The following VIPR2 variants were observed in gnomAD, a reference collection of about 807,000 sequenced individuals.
The protein encoded by VIPR2 is vasoactive intestinal peptide receptor 2.
In VIPR2, 48 loss-of-function variants were observed where a neutral mutation model predicts 58.0. The ratio of observed to expected loss-of-function variants is 0.83; its 90% CI spans 0.66 to 1.05. The LOEUF is 1.05. VIPR2 is among the 50% of genes least tolerant of loss of function. VIPR2 has a pLI of 0.00. For synonymous variants in VIPR2, 243 were observed against 235.2 expected, an observed-to-expected ratio of 1.03 and a Z score of -0.30; for missense variants, 534 against 558.0, an observed-to-expected ratio of 0.96 and a Z score of 0.43.
intron 4 of VIPR2, 107 bp from the exon 5 acceptor site, chr7:159,058,685 C>G: frequency 2.4e-6 from 2 of 847,914 alleles, no homozygotes; most frequent in Non-Finnish European, 3.8e-6. Context: ...AGGACTCTTG[C>G]CTGCCTGGAA....
In VIPR2 at chr7:159,030,234, A is replaced by G. The variant is rs1853453102; in HGVS notation, c.*382T>C. The G allele has an allele frequency of 1.1e-5, 2 of 188,522 alleles. No individual in the cohort carries two copies. Among genetic ancestry groups the G allele is most frequent in the East Asian group, 1.2e-4 (1 of 8,122 alleles). 11.7% of individuals were successfully genotyped at this position (188,522 alleles called of 1,614,324 possible). A position where few individuals can be genotyped will look rare whatever the true frequency, so the allele number is the denominator to read the frequency against. The stretch of plus-strand genomic sequence containing the variant: ...TTGGCGGGCGCCTGTAGTCCCAGCT[A>G]TGGGAGGCTGAGGCAGGAGAATGGC... On this transcript the variant is annotated 3_prime_UTR_variant, in exon 13 of 13. Transcript: ENST00000262178.
rs894620844 is a variant in VIPR2, at chr7:159,029,631, G to A, written c.*985C>T. ...GGCCGCAGCTGGCCTGGGGCTGAGCGTCAGGCTCTGCGGCTCCCACAGGGC... is the reference window on the plus strand; with the variant it reads ...GGCCGCAGCTGGCCTGGGGCTGAGCATCAGGCTCTGCGGCTCCCACAGGGC... On this transcript the variant is annotated 3_prime_UTR_variant, in exon 13 of 13. Coordinates refer to ENST00000262178, the MANE Select transcript of VIPR2 (RefSeq NM_003382.5). 6.6e-6 allele frequency: 1 copy of A among 152,296 alleles called. No homozygotes were observed. The highest frequency in any genetic ancestry group is 1.5e-5 in the Non-Finnish European group (1 of 68,106). 9.4% of individuals were successfully genotyped at this position (152,296 alleles called of 1,614,324 possible).
In VIPR2 at chr7:159,096,346, G is replaced by A. The variant is rs1055442876; in HGVS notation, c.357+7411C>T. On this transcript the variant is annotated intron_variant, in intron 4 of 12. Coordinates refer to ENST00000262178, the MANE Select transcript of VIPR2 (RefSeq NM_003382.5). The surrounding 1 kb of genome is among the most constrained non-coding windows in gnomAD (Gnocchi z 5.5). ...ACGTACCTCCCCTCCTCCGGCATCG[G>A]CCAGCTCCATGCCCAGAAGCGCCTG... Among the ~76,000 whole-genome samples, 11 of 152,184 alleles carry A rather than the reference G, an allele frequency of 7.2e-5. No homozygotes were observed. The highest frequency in any genetic ancestry group is 2.9e-5 in the Non-Finnish European group (2 of 68,026).
At position 159,098,322 on chromosome 7, in the gene VIPR2, G is replaced by A. The variant is rs977615786; in HGVS notation, c.357+5435C>T. On this transcript the variant is annotated intron_variant, in intron 4 of 12. Transcript: ENST00000262178. This position sits in a 1 kb window ranked among gnomAD's most constrained non-coding sequence, Gnocchi z 5.2. ...GAGAACTGTGGCTTACAGTGCGGGT[G>A]GGCAAGCGGAGAGGAGCAGCTGTGG... Among the ~76,000 whole-genome samples, 1 of 152,286 alleles carries A rather than the reference G, an allele frequency of 6.6e-6. No homozygotes were observed. The highest frequency in any genetic ancestry group is 3.4e-3 in the Middle Eastern group (1 of 294).
rs1490810498 is a variant in VIPR2, at chr7:159,127,872, C to T, written c.151+14574G>A. On this transcript the variant is annotated intron_variant, in intron 2 of 12. Transcript: ENST00000262178. The surrounding 1 kb of genome is among the most constrained non-coding windows in gnomAD (Gnocchi z 4.6). ...CCGCAGGGGCTTAGGGCTGGGGCCA[C>T]GCGAGGCCTTGGAGAGGGTGAACAT... 2.6e-5 allele frequency among the ~76,000 whole-genome samples: 4 copies of T among 152,210 alleles called. No homozygotes were observed. The highest frequency in any genetic ancestry group is 1.3e-4 in the Admixed American group (2 of 15,280).
At chr7:159,124,750 A>G (rs1037662298) in intron 2 of VIPR2, among the ~76,000 whole-genome samples, 3 of 152,148 alleles carry the variant, frequency 2.0e-5, no homozygotes, top group African/African-American at 7.2e-5. Context: ...AATGATATTG[A>G]TTCTTCCTAT....
chr7:159,044,120 A>G (rs997271246), intron 5 of VIPR2, among the ~76,000 whole-genome samples: 14 of 152,288 alleles, frequency 9.2e-5, no homozygotes, highest in Admixed American at 9.2e-4. Context: ...AGTGCTCCCA[A>G]CACAGAGCCA....
Position 159,127,191 on chromosome 7 carries a change from C to T in VIPR2, c.151+15255G>A, listed in dbSNP as rs1395664754. On this transcript the variant is annotated intron_variant, in intron 2 of 12. Transcript: ENST00000262178. This position sits in a 1 kb window ranked among gnomAD's most constrained non-coding sequence, Gnocchi z 4.6. ...TAGTGCGCTGCATGCATCCCACCCTCAACAGCCTGATGGTGAACTACGGAC... is the reference window on the plus strand; with the variant it reads ...TAGTGCGCTGCATGCATCCCACCCTTAACAGCCTGATGGTGAACTACGGAC... 2.0e-5 allele frequency among the ~76,000 whole-genome samples: 3 copies of T among 152,250 alleles called. No homozygotes were observed. In the East Asian group the frequency reaches 5.8e-4, roughly 29 times the overall value.
rs541245884 is a variant in VIPR2, at chr7:159,135,906, C to T, written c.151+6540G>A. On this transcript the variant is annotated intron_variant, in intron 2 of 12. Transcript: ENST00000262178. ...TTTAATTTCCACTCATCCCACGACA[C>T]GAGGCAACCCTCAAACACACAGGTC... Among the ~76,000 whole-genome samples the T allele has an allele frequency of 2.5e-4, 38 of 152,286 alleles. 1 individual carries two copies. Among genetic ancestry groups the T allele is most frequent in the South Asian group, 1.7e-3 (8 of 4,814 alleles).
chr7:159,068,997 CCT>C (rs776274598), intron 4 of VIPR2, among the ~76,000 whole-genome samples: 19 of 152,276 alleles, frequency 1.2e-4, no homozygotes, highest in South Asian at 4.1e-4. Context: ...CTGGCAGGCC[CCT>C]GTCTCTGGGC....
At chr7:159,135,403 A>G (rs972545527) in intron 2 of VIPR2, among the ~76,000 whole-genome samples, 5 of 151,250 alleles carry the variant, frequency 3.3e-5, no homozygotes, top group African/African-American at 4.9e-5. Flanking sequence ...CTGCACTCCA[A>G]TCTGGGTGAC....
intron 4 of VIPR2, among the ~76,000 whole-genome samples, chr7:159,092,323 C>T (rs2129495376): frequency 6.6e-6 from 1 of 152,248 alleles, no homozygotes; most frequent in Admixed American, 6.5e-5. Context: ...TACCCTGTCC[C>T]CTCCAGATGG....
chr7:159,140,022 C>T, intron 2 of VIPR2, among the ~76,000 whole-genome samples: 1 of 152,186 alleles, frequency 6.6e-6, no homozygotes, highest in East Asian at 1.9e-4. Flanking sequence ...AAAGAGAATC[C>T]CGTAAGAGAG....
intron 2 of VIPR2, among the ~76,000 whole-genome samples, chr7:159,113,932 A>T (rs986477539): frequency 3.9e-5 from 6 of 152,180 alleles, no homozygotes; most frequent in Middle Eastern, 3.2e-3. Flanking sequence ...GAGATGAAAG[A>T]GATGCTGCCA....
At chr7:159,056,101 C>G (rs532009692) in intron 5 of VIPR2, among the ~76,000 whole-genome samples, 1 of 152,330 alleles carries the variant, frequency 6.6e-6, no homozygotes, top group Admixed American at 6.5e-5. Flanking sequence ...CACTCTCCAC[C>G]TGGAGAAACT....
chr7:159,126,878 C>G (rs944976951), intron 2 of VIPR2, among the ~76,000 whole-genome samples: 5 of 152,256 alleles, frequency 3.3e-5, no homozygotes, highest in Non-Finnish European at 5.9e-5. Context: ...GTACTATGGG[C>G]AGGATCACCT....
At chr7:159,139,392 G>A (rs375509744) in intron 2 of VIPR2, among the ~76,000 whole-genome samples, 8 of 152,148 alleles carry the variant, frequency 5.3e-5, no homozygotes, top group African/African-American at 1.9e-4. Context: ...GAACCCGTGC[G>A]CACACGCAGC....
intron 2 of VIPR2, among the ~76,000 whole-genome samples, 173 bp from the exon 3 acceptor site, chr7:159,110,092 G>A (rs114465751): frequency 0.012 from 1,891 of 152,352 alleles, 38 homozygotes; most frequent in African/African-American, 0.043. Flanking sequence ...TAGCTTTGGA[G>A]GAATAACCAT....
chr7:159,047,416 T>C (rs1854722481), intron 5 of VIPR2, among the ~76,000 whole-genome samples: 1 of 152,242 alleles, frequency 6.6e-6, no homozygotes, highest in Non-Finnish European at 1.5e-5. Flanking sequence ...CAAATGTCAA[T>C]TGTTTATAAA....
Sources: allele counts gnomAD v4.1 joint callset (sites outside exome capture counted in the v4.1 genomes callset), GRCh38; gene constraint gnomAD v4.1.1; non-coding constraint Gnocchi (gnomAD v3.1); transcripts MANE v1.5; gene names NCBI Gene and HGNC (gene_info 2026-07-23, HGNC 2026-07-21).